Variants in STK33 observed in about 807,000 individuals in gnomAD.
The protein encoded by STK33 is serine/threonine-protein kinase 33.
STK33 carries 52 observed loss-of-function variants against 58.0 expected under a neutral mutation model. The ratio of observed to expected loss-of-function variants is 0.90; its 90% CI spans 0.72 to 1.13. STK33 has a LOEUF of 1.13. STK33 is among the 50% of genes most tolerant of loss of function. The probability of loss-of-function intolerance (pLI) is 0.00; values close to 1 mark genes in which losing one functional copy is unlikely to be tolerated. For synonymous variants in STK33, 215 were observed against 200.1 expected (o/e 1.07, Z -0.63); for missense variants, 630 against 604.2 (o/e 1.04, Z -0.45).
chr11:8,536,104 C>T (rs533714078), intron 1 of STK33, among the ~76,000 whole-genome samples: 4 of 151,876 alleles, frequency 2.6e-5, no homozygotes, highest in Admixed American at 6.6e-5. Flanking sequence ...AAAGGGTGAA[C>T]GTGGGGAGGA....
At chr11:8,400,109 G>A (rs1004241621) in intron 15 of STK33, among the ~76,000 whole-genome samples, 4 of 152,148 alleles carry the variant, frequency 2.6e-5, no homozygotes, top group Non-Finnish European at 4.4e-5. Context: ...ATCCTCCCTA[G>A]CTCATTTGAT....
the STK33 span, among the ~76,000 whole-genome samples, chr11:8,349,250 G>C: frequency 2.0e-5 from 3 of 152,332 alleles, no homozygotes; most frequent in Middle Eastern, 0.01. Flanking sequence ...TAAAACCCTT[G>C]AAGCAGTGTC....
At chr11:8,423,878 T>A (rs1379254887) in intron 14 of STK33, among the ~76,000 whole-genome samples, 1 of 152,082 alleles carries the variant, frequency 6.6e-6, no homozygotes, top group Non-Finnish European at 1.5e-5. Context: ...GGTTATTTTA[T>A]TAGTTGCATA....
At chr11:8,432,149 A>G (rs1163568828) in intron 14 of STK33, among the ~76,000 whole-genome samples, 1 of 152,226 alleles carries the variant, frequency 6.6e-6, no homozygotes, top group Admixed American at 6.5e-5. Flanking sequence ...AATATCATTA[A>G]AGCTCAAACT....
chr11:8,415,575 T>C (rs552375975), intron 14 of STK33, among the ~76,000 whole-genome samples: 48 of 152,188 alleles, frequency 3.2e-4, no homozygotes, highest in African/African-American at 9.4e-4. Flanking sequence ...CCTCCTCTCC[T>C]CCCAGCCAAT....
chr11:8,523,940 G>A (rs1375506317), intron 1 of STK33, among the ~76,000 whole-genome samples: 1 of 152,252 alleles, frequency 6.6e-6, no homozygotes, highest in Admixed American at 6.5e-5. Context: ...GAAAGAAGCA[G>A]ACATGGGAGA....
At chr11:8,407,348 T>A (rs1939417870) in intron 15 of STK33, among the ~76,000 whole-genome samples, 1 of 152,150 alleles carries the variant, frequency 6.6e-6, no homozygotes, top group South Asian at 2.1e-4. Context: ...TTGTTATTTA[T>A]AAGGCAAACA....
chr11:8,416,387 T>A (rs967071518), intron 14 of STK33, among the ~76,000 whole-genome samples: 1 of 152,054 alleles, frequency 6.6e-6, no homozygotes, highest in Non-Finnish European at 1.5e-5. Context: ...TTTCTAACAT[T>A]CTAAATTACA....
intron 11 of STK33, among the ~76,000 whole-genome samples, chr11:8,445,146 A>T (rs1945267936): frequency 1.3e-5 from 2 of 152,172 alleles, no homozygotes; most frequent in Admixed American, 6.5e-5. Context: ...TCTTTGTAGC[A>T]ACTGTGAATG....
At chr11:8,519,351 G>C (rs540413386) in intron 1 of STK33, among the ~76,000 whole-genome samples, 1 of 152,294 alleles carries the variant, frequency 6.6e-6, no homozygotes, top group South Asian at 2.1e-4. Flanking sequence ...AGTGTATAGA[G>C]GGAAATTTAT....
the STK33 span, among the ~76,000 whole-genome samples, chr11:8,363,569 T>C: frequency 6.6e-6 from 1 of 152,232 alleles, no homozygotes; most frequent in Non-Finnish European, 1.5e-5. Flanking sequence ...GTGTTTTGCA[T>C]CTGGCTTCTT....
At chr11:8,457,565 G>T in intron 8 of STK33, 86 bp from the exon 9 acceptor site, 4 of 1,129,324 alleles carry the variant, frequency 3.5e-6, no homozygotes, top group Non-Finnish European at 4.9e-6. Flanking sequence ...TACAATCACA[G>T]TCATAATCAT....
the STK33 span, among the ~76,000 whole-genome samples, chr11:8,384,386 C>T: frequency 2.6e-5 from 4 of 151,718 alleles, no homozygotes; most frequent in Admixed American, 6.6e-5. Flanking sequence ...CTTAGCAGAC[C>T]GTGAAAGGGA....
the STK33 span, among the ~76,000 whole-genome samples, chr11:8,379,805 T>A: frequency 6.6e-6 from 1 of 152,132 alleles, no homozygotes; most frequent in Non-Finnish European, 1.5e-5. Context: ...GGCCCCCGTG[T>A]CTGTGGTTCC....
intron 1 of STK33, among the ~76,000 whole-genome samples, chr11:8,582,410 C>G (rs1455872924): frequency 6.6e-6 from 1 of 152,216 alleles, no homozygotes; most frequent in African/African-American, 2.4e-5. Flanking sequence ...TTAATTGACT[C>G]ACAGTTCAGC....
chr11:8,488,173 T>G (rs1176601295), intron 1 of STK33, among the ~76,000 whole-genome samples: 2 of 152,162 alleles, frequency 1.3e-5, no homozygotes, highest in Non-Finnish European at 2.9e-5. Context: ...GGCTTGCCAG[T>G]ACAAAATGCC....
chr11:8,525,014 T>TA (rs985476851), intron 1 of STK33, among the ~76,000 whole-genome samples: 4 of 152,064 alleles, frequency 2.6e-5, no homozygotes, highest in African/African-American at 9.7e-5. Context: ...CAACTATACC[T>TA]AAAAAAACTG....
the STK33 span, among the ~76,000 whole-genome samples, chr11:8,337,530 A>G: frequency 6.6e-6 from 1 of 151,172 alleles, no homozygotes; most frequent in Non-Finnish European, 1.5e-5. Context: ...CTTTCTGTGG[A>G]GGAGCCAGGA....
At chr11:8,473,398 G>A (rs1948975548) in intron 5 of STK33, 122 bp from the exon 6 acceptor site, 1 of 632,216 alleles carries the variant, frequency 1.6e-6, no homozygotes, top group Non-Finnish European at 2.7e-6. Flanking sequence ...CTATGCACAA[G>A]ATTGTTTACT....
Sources: allele counts gnomAD v4.1 joint callset (sites outside exome capture counted in the v4.1 genomes callset), GRCh38; gene constraint gnomAD v4.1.1; transcripts MANE v1.5; gene names NCBI Gene and HGNC (gene_info 2026-07-23, HGNC 2026-07-21).